Variants in ZNF609 observed in about 807,000 individuals in gnomAD.
ZNF609 encodes zinc finger protein 609.
A neutral mutation model predicts 109.5 loss-of-function variants in ZNF609; 11 were observed. That is an observed-to-expected ratio of 0.10 (90% CI 0.06 to 0.17). The LOEUF (loss-of-function observed/expected upper bound fraction) is 0.17. Among genes scored for constraint, ZNF609 ranks in the 10% least tolerant of loss-of-function variants. The probability of loss-of-function intolerance (pLI) is 1.00; values close to 1 mark genes in which losing one functional copy is unlikely to be tolerated. For synonymous variants in ZNF609, 646 were observed against 662.0 expected, an observed-to-expected ratio of 0.98 and a Z score of 0.37; for missense variants, 1,559 against 1,772.4, an observed-to-expected ratio of 0.88 and a Z score of 2.16.
At chr15:64,471,469 C>G (rs772193300) in intron 1 of ZNF609, 3 of 152,102 alleles carry the variant, frequency 2.0e-5, no homozygotes, top group Non-Finnish European at 4.4e-5. Context: ...TTATTCCCAG[C>G]CATCTATAGC....
chr15:64,468,607 A>C (rs983074603), intron 1 of ZNF609, among the ~76,000 whole-genome samples: 1 of 151,446 alleles, frequency 6.6e-6, no homozygotes, highest in Non-Finnish European at 1.5e-5. Flanking sequence ...GTGCCACTGC[A>C]CTCCAGTCTG....
At chr15:64,584,341 T>TTTA (rs1895159969) in intron 2 of ZNF609, among the ~76,000 whole-genome samples, 1 of 152,130 alleles carries the variant, frequency 6.6e-6, no homozygotes, top group African/African-American at 2.4e-5. Context: ...TTATTTATTT[T>TTTA]TTGAGACAGA....
rs139467121 is a variant in ZNF609, at chr15:64,654,702, A to T, written c.974-15644A>T. 6.6e-3 allele frequency among the ~76,000 whole-genome samples: 1,001 copies of T among 152,320 alleles called. 16 individuals are homozygous for T. The highest frequency in any genetic ancestry group is 0.023 in the African/African-American group (962 of 41,570). On this transcript the variant is annotated intron_variant, in intron 3 of 9. Coordinates refer to ENST00000326648, the MANE Select transcript of ZNF609 (RefSeq NM_015042.2). ...ATGTATCTCCATAGCCCCTTACTACAGATAGGAAGTCATTAAAGATTGATT... is the reference window on the plus strand; with the variant it reads ...ATGTATCTCCATAGCCCCTTACTACTGATAGGAAGTCATTAAAGATTGATT...
chr15:64,463,096 T>G (rs1892965438), intron 1 of ZNF609, among the ~76,000 whole-genome samples: 1 of 151,922 alleles, frequency 6.6e-6, no homozygotes, highest in Non-Finnish European at 1.5e-5. Flanking sequence ...TCTACAAAAA[T>G]TTAAAAAAAT....
At chr15:64,600,568 A>G (rs917947592) in intron 2 of ZNF609, among the ~76,000 whole-genome samples, 1 of 149,582 alleles carries the variant, frequency 6.7e-6, no homozygotes, top group Non-Finnish European at 1.5e-5. Context: ...CCCGGGAGGC[A>G]GAGTTTGCAG....
chr15:64,674,350 A>T lies in ZNF609; in HGVS notation c.1496A>T (p.His499Leu). 1 of 1,613,978 alleles carries T rather than the reference A, an allele frequency of 6.2e-7. No individual in the cohort carries two copies. The highest frequency in any genetic ancestry group is 8.5e-7 in the Non-Finnish European group (1 of 1,179,994). Residue 499 changes from histidine (H) to leucine (L), a missense_variant, in exon 5 of 10, where the codon CAC becomes CTC. Around this residue, in one of 4 missense-constraint regions of ZNF609, gnomAD observed 1,204 missense variants for 1,314.1 expected, o/e 0.92. Transcript: ENST00000326648. ...CPSPVLIDCP[H>L]PNCNKKYKHI... ...TCCCCCGTCCTAATTGACTGTCCCC[A>T]CCCAAACTGCAACAAGAAGTACAAG...
chr15:64,636,527 C>G (rs1248004263), intron 3 of ZNF609, among the ~76,000 whole-genome samples: 1 of 152,196 alleles, frequency 6.6e-6, no homozygotes, highest in Non-Finnish European at 1.5e-5. Flanking sequence ...CCTTATTTGA[C>G]TCTGATTATC....
intron 2 of ZNF609, among the ~76,000 whole-genome samples, chr15:64,584,826 A>G (rs1895168292): frequency 6.8e-6 from 1 of 146,126 alleles, no homozygotes; most frequent in East Asian, 2.1e-4. Context: ...ATGGGGTTTC[A>G]CCATGTTGGC....
chr15:64,479,284 A>AAT (rs1893214819), intron 1 of ZNF609, among the ~76,000 whole-genome samples: 2 of 86,542 alleles, frequency 2.3e-5, no homozygotes, highest in Admixed American at 3.6e-4. Context: ...TACCTGTGTG[A>AAT]TTTTTTTTTT....
At chr15:64,487,029 A>C (rs1436973565) in intron 1 of ZNF609, among the ~76,000 whole-genome samples, 1 of 152,150 alleles carries the variant, frequency 6.6e-6, no homozygotes, top group Non-Finnish European at 1.5e-5. Flanking sequence ...CTGAGTAAAT[A>C]ATGTTTATTA....
rs926335689 is a variant in ZNF609 at position 64,684,098 on chromosome 15, G to C, written c.*2412G>C. 1 of 152,186 alleles carries C rather than the reference G, an allele frequency of 6.6e-6. No individual in the cohort carries two copies. The highest frequency in any genetic ancestry group is 1.5e-5 in the Non-Finnish European group (1 of 68,052). The allele number at this position is 152,186 out of a possible 1,614,324, so 9.4% of individuals were successfully genotyped here. On this transcript the variant is annotated 3_prime_UTR_variant, in exon 10 of 10. Transcript: ENST00000326648. ...ACCATGGCAGATCCTGATGCCTGCC[G>C]GGCCTAGTCTTCCCTCTGAAATAAC...
chr15:64,653,188 CTT>C (rs1282373473), intron 3 of ZNF609, among the ~76,000 whole-genome samples: 3 of 152,078 alleles, frequency 2.0e-5, no homozygotes, highest in African/African-American at 7.2e-5. Context: ...TTTCTGGAGA[CTT>C]TTTACTGGTC....
At position 64,569,467 on chromosome 15, in the gene ZNF609, T is replaced by A. The variant is rs143351935; in HGVS notation, c.748-53360T>A. 1.1e-3 allele frequency among the ~76,000 whole-genome samples: 174 copies of A among 152,314 alleles called. 2 individuals carry two copies. In the East Asian group the frequency reaches 0.026, roughly 23 times the overall value. On this transcript the variant is annotated intron_variant, in intron 2 of 9. Transcript: ENST00000326648. ...TTAGGAAAACCTCCTGGGGACAATT[T>A]CCTATCAGTTCCCTCATGCTCTTTC... is the stretch of plus-strand genomic sequence containing the variant.
intron 2 of ZNF609, among the ~76,000 whole-genome samples, chr15:64,557,243 A>C (rs1894605026): frequency 2.0e-5 from 3 of 150,282 alleles, no homozygotes; most frequent in Non-Finnish European, 4.4e-5. Flanking sequence ...AATTCTTTAC[A>C]TACCTTCTAA....
chr15:64,529,317 CT>C, intron 2 of ZNF609: 1 of 720,840 alleles, frequency 1.4e-6, no homozygotes. Flanking sequence ...GATGTTGACC[CT>C]TTTGGCTCCC....
At chr15:64,560,289 G>A (rs1464891991) in intron 2 of ZNF609, among the ~76,000 whole-genome samples, 1 of 151,154 alleles carries the variant, frequency 6.6e-6, no homozygotes, top group African/African-American at 2.4e-5. Flanking sequence ...CTCGTGATCT[G>A]CCCGCCTCGG....
chr15:64,601,669 A>C (rs962238091), intron 2 of ZNF609, among the ~76,000 whole-genome samples: 1 of 152,230 alleles, frequency 6.6e-6, no homozygotes, highest in African/African-American at 2.4e-5. Flanking sequence ...ATTTTCACAC[A>C]GTGATCCTAT....
At chr15:64,638,468 A>G (rs1361583060) in intron 3 of ZNF609, among the ~76,000 whole-genome samples, 1 of 152,086 alleles carries the variant, frequency 6.6e-6, no homozygotes, top group African/African-American at 2.4e-5. Flanking sequence ...ATTAGGATCT[A>G]CAGATCAATT....
At chr15:64,497,858 G>A (rs1022324934) in intron 1 of ZNF609, among the ~76,000 whole-genome samples, 3 of 151,212 alleles carry the variant, frequency 2.0e-5, no homozygotes, top group East Asian at 3.9e-4. Flanking sequence ...CCGAGATCAC[G>A]CCACTGCACT....
Sources: gnomAD v4.1 joint callset for allele counts (sites outside exome capture counted in the v4.1 genomes callset) on GRCh38, gnomAD v4.1.1 for gene constraint, gnomAD v4.1.1 regional missense constraint, MANE v1.5 for transcripts, NCBI Gene and HGNC (gene_info 2026-07-23, HGNC 2026-07-21) for gene names.